Variants in TENM4 observed in about 807,000 individuals in gnomAD.
TENM4 encodes teneurin-4.
TENM4 carries 82 observed loss-of-function variants against 243.3 expected under a neutral mutation model. That is an observed-to-expected ratio of 0.34 (90% CI 0.28 to 0.40). The LOEUF (loss-of-function observed/expected upper bound fraction) is 0.40. TENM4 is among the 10% of genes least tolerant of loss of function. The pLI is 1.00. For missense variants in TENM4, 3,138 were observed against 3,673.3 expected (o/e 0.85, Z 3.77); for synonymous variants, 1,412 against 1,456.3 (o/e 0.97, Z 0.69).
At chr11:78,940,532 G>T (rs542952957) in intron 6 of TENM4, among the ~76,000 whole-genome samples, 1 of 152,168 alleles carries the variant, frequency 6.6e-6, no homozygotes, top group Non-Finnish European at 1.5e-5. Flanking sequence ...AGACATTCAC[G>T]GATGAGCTCA....
At chr11:78,660,356 T>G (rs1423736153) in intron 33 of TENM4, among the ~76,000 whole-genome samples, 1 of 152,176 alleles carries the variant, frequency 6.6e-6, no homozygotes, top group South Asian at 2.1e-4. Flanking sequence ...AAATGCTTCA[T>G]GCACCTACTG....
intron 2 of TENM4, among the ~76,000 whole-genome samples, chr11:79,234,064 C>G (rs1864420100): frequency 6.6e-6 from 1 of 152,180 alleles, no homozygotes; most frequent in African/African-American, 2.4e-5. Context: ...GTTTGCTACT[C>G]AACAGCCAAG....
chr11:78,702,517 T>C (rs1425805686), intron 27 of TENM4, 114 bp from the exon 28 acceptor site: 1 of 1,231,658 alleles, frequency 8.1e-7, no homozygotes, highest in Non-Finnish European at 1.1e-6. Flanking sequence ...ACAGTCTTGC[T>C]TGATCCTCAT....
intron 3 of TENM4, among the ~76,000 whole-genome samples, chr11:79,174,044 T>A (rs1863106875): frequency 6.6e-6 from 1 of 152,228 alleles, no homozygotes; most frequent in Admixed American, 6.5e-5. Context: ...ATTTTTCTAT[T>A]GACATCACAT....
chr11:78,898,717 C>T (rs1357675238), intron 7 of TENM4, among the ~76,000 whole-genome samples: 1 of 152,180 alleles, frequency 6.6e-6, no homozygotes, highest in Non-Finnish European at 1.5e-5. Context: ...AATTATCAAA[C>T]AGCTACCATG....
At chr11:79,132,889 A>AAAACACTG in intron 4 of TENM4, among the ~76,000 whole-genome samples, 1 of 152,272 alleles carries the variant, frequency 6.6e-6, no homozygotes, top group South Asian at 2.1e-4. Context: ...CCTACATCAA[A>AAAACACTG]AAACACTGAA....
intron 6 of TENM4, among the ~76,000 whole-genome samples, chr11:79,031,457 C>A (rs1272499100): frequency 6.6e-6 from 1 of 152,046 alleles, no homozygotes; most frequent in Non-Finnish European, 1.5e-5. Flanking sequence ...CTCATAGGCA[C>A]CAGGAAGCCA....
At chr11:79,171,606 G>A (rs1393763959) in intron 3 of TENM4, among the ~76,000 whole-genome samples, 10 of 152,154 alleles carry the variant, frequency 6.6e-5, no homozygotes, top group Non-Finnish European at 2.9e-5. Context: ...AGAGGATCTG[G>A]GAAACAGAGT....
At chr11:79,415,953 C>A (rs1468840602) in intron 1 of TENM4, among the ~76,000 whole-genome samples, 1 of 151,966 alleles carries the variant, frequency 6.6e-6, no homozygotes, top group Non-Finnish European at 1.5e-5. Flanking sequence ...GATTACTCTG[C>A]AATTTGTGAA....
intron 12 of TENM4, among the ~76,000 whole-genome samples, chr11:78,822,968 TG>T (rs1591049801): frequency 1.3e-5 from 2 of 152,194 alleles, no homozygotes; most frequent in East Asian, 3.9e-4. Flanking sequence ...CATCCCTTGA[TG>T]GGAGCCTCAA....
intron 6 of TENM4, among the ~76,000 whole-genome samples, chr11:79,022,905 C>G (rs1301156592): frequency 2.0e-5 from 3 of 152,172 alleles, no homozygotes; most frequent in Non-Finnish European, 4.4e-5. Flanking sequence ...GACATTATCT[C>G]TAATTATTAC....
chr11:78,778,171 TC>T (rs1267495733), intron 17 of TENM4, among the ~76,000 whole-genome samples: 2 of 152,064 alleles, frequency 1.3e-5, no homozygotes, highest in Non-Finnish European at 2.9e-5. Context: ...TAGAAAGTAG[TC>T]CTTAAAATTT....
rs186810044 is a variant in TENM4, at chr11:79,148,816, G to A, written c.-162-10C>T. 260 of 928,912 alleles carry A rather than the reference G, an allele frequency of 2.8e-4. 1 individual carries two copies. The highest frequency in any genetic ancestry group is 3.1e-4 in the Non-Finnish European group (242 of 778,536). The allele number at this position is 928,912 out of a possible 1,614,324, so 57.5% of individuals were successfully genotyped here. ...GGTAATTTCAGTCTACCTGTTGAAAGAGACAAGAGACAAATCAGTCATTTT... is the reference window on the plus strand; with the variant it reads ...GGTAATTTCAGTCTACCTGTTGAAAAAGACAAGAGACAAATCAGTCATTTT... On this transcript the variant is annotated splice_polypyrimidine_tract_variant and intron_variant, in intron 3 of 33. Transcript: ENST00000278550.
chr11:78,839,307 C>A (rs1010646639), intron 12 of TENM4, among the ~76,000 whole-genome samples: 3 of 152,128 alleles, frequency 2.0e-5, no homozygotes, highest in African/African-American at 7.2e-5. Flanking sequence ...CCTAATTATT[C>A]ATGTCCTGTT....
chr11:79,011,012 A>AG (rs1858627792), intron 6 of TENM4, among the ~76,000 whole-genome samples: 1 of 152,238 alleles, frequency 6.6e-6, no homozygotes, highest in Admixed American at 6.5e-5. Context: ...GTTATATGTG[A>AG]GAAATAAACA....
intron 1 of TENM4, among the ~76,000 whole-genome samples, chr11:79,431,387 T>TA (rs1408264502): frequency 1.3e-5 from 2 of 152,256 alleles, no homozygotes; most frequent in Non-Finnish European, 2.9e-5. Flanking sequence ...CTCTCTTTTA[T>TA]AAATAACACT....
chr11:78,870,838 G>GAA (rs1300747440), intron 9 of TENM4, among the ~76,000 whole-genome samples: 1 of 152,194 alleles, frequency 6.6e-6, no homozygotes, highest in Non-Finnish European at 1.5e-5. Context: ...GGAGGGCACT[G>GAA]AAAACTGGTG....
intron 2 of TENM4, among the ~76,000 whole-genome samples, chr11:79,235,928 T>TGCA (rs1864460943): frequency 6.6e-6 from 1 of 152,162 alleles, no homozygotes; most frequent in Non-Finnish European, 1.5e-5. Flanking sequence ...CGTGCCCTGA[T>TGCA]GCCTGAGGTT....
rs532693676 is a variant in TENM4, at chr11:79,110,532, G to T, written c.-66+38178C>A. ...ATGGGTCATGAGGATTTTCTCACCA[G>T]CTGCCTCCTCTCCCTGCCAACATTT... On this transcript the variant is annotated intron_variant, in intron 4 of 33. Coordinates refer to ENST00000278550, the MANE Select transcript of TENM4 (RefSeq NM_001098816.3). 7.2e-5 allele frequency among the ~76,000 whole-genome samples: 11 copies of T among 152,338 alleles called. No homozygotes were observed. The South Asian group carries it at 2.3e-3, about 32-fold the overall frequency.
Sources: allele counts gnomAD v4.1 joint callset (sites outside exome capture counted in the v4.1 genomes callset), GRCh38; gene constraint gnomAD v4.1.1; transcripts MANE v1.5; gene names NCBI Gene and HGNC (gene_info 2026-07-23, HGNC 2026-07-21).